Variants in MGAT4D observed in about 807,000 individuals in gnomAD.
MGAT4D encodes alpha-1,3-mannosyl-glycoprotein 4-beta-N-acetylglucosaminyltransferase-like protein MGAT4D.
Under a neutral mutation model 15.9 loss-of-function variants are expected in MGAT4D, and 34 were observed. The ratio of observed to expected loss-of-function variants is 2.14; its 90% confidence interval spans 1.62 to 2.84. The LOEUF is 2.84. MGAT4D is among the 30% of genes most tolerant of loss of function. The pLI is 0.00. For missense variants in MGAT4D, 327 were observed against 140.2 expected (o/e 2.33, Z -6.73); for synonymous variants, 112 against 48.2 (o/e 2.33, Z -5.49).
At chr4:140,476,282 T>G (rs1233144377) in intron 3 of MGAT4D, among the ~76,000 whole-genome samples, 2 of 152,212 alleles carry the variant, frequency 1.3e-5, no homozygotes, top group African/African-American at 4.8e-5. Flanking sequence ...CTCCCACTCT[T>G]GGTTCCCTTT....
chr4:140,488,765 G>T (rs189254799), intron 1 of MGAT4D, among the ~76,000 whole-genome samples: 127 of 152,278 alleles, frequency 8.3e-4, no homozygotes, highest in Non-Finnish European at 1.3e-4. Flanking sequence ...AGGCATTTGA[G>T]TCATGGGGGA....
intron 1 of MGAT4D, among the ~76,000 whole-genome samples, chr4:140,490,766 T>G (rs1733450896): frequency 6.6e-6 from 1 of 152,254 alleles, no homozygotes; most frequent in Admixed American, 6.5e-5. Context: ...TCAACTTTAT[T>G]TTGGTTTGGG....
intron 1 of MGAT4D, among the ~76,000 whole-genome samples, chr4:140,485,257 TG>T (rs1733026548): frequency 6.6e-6 from 1 of 152,194 alleles, no homozygotes; most frequent in Admixed American, 6.5e-5. Flanking sequence ...TGTAGGGATA[TG>T]GATGAAATTG....
chr4:140,477,753 T>A (rs1229137185), intron 3 of MGAT4D, among the ~76,000 whole-genome samples: 1 of 152,244 alleles, frequency 6.6e-6, no homozygotes, highest in African/African-American at 2.4e-5. Flanking sequence ...ACTGAAGGAT[T>A]TTAAGCAAGA....
intron 10 of MGAT4D, among the ~76,000 whole-genome samples, chr4:140,446,402 T>A (rs977630089): frequency 6.6e-6 from 1 of 152,180 alleles, no homozygotes; most frequent in African/African-American, 2.4e-5. Flanking sequence ...CTTCAGAGAG[T>A]GTATGTATCC....
At position 140,444,885 on chromosome 4, in the gene MGAT4D, G is replaced by C. The variant is rs918488896; in HGVS notation, c.1117-1441C>G. Reference sequence around the variant, plus strand: ...ACCTCACCAGCATCTTTTATTTTTTGCCTTTTTTTTTTTGATATGGAGTTC... The same window carrying C: ...ACCTCACCAGCATCTTTTATTTTTTCCCTTTTTTTTTTTGATATGGAGTTC... On this transcript the variant is annotated intron_variant, in intron 10 of 10. Transcript: ENST00000511113. 1.4e-4 allele frequency among the ~76,000 whole-genome samples: 7 copies of C among 48,566 alleles called. No individual in the cohort carries two copies. The Admixed American group carries it at 2.0e-3, about 14-fold the overall frequency. The allele number at this position is 48,566 out of a possible 152,430, so 31.9% of individuals were successfully genotyped here. A position where few individuals can be genotyped will look rare whatever the true frequency, so the allele number is the denominator to read the frequency against.
intron 9 of MGAT4D, 95 bp from the exon 10 acceptor site, chr4:140,451,612 T>TA (rs878923353): frequency 2.5e-6 from 1 of 395,492 alleles, no homozygotes. Context: ...TAGTTTTTGC[T>TA]AGAGTTCTAT....
intron 5 of MGAT4D, among the ~76,000 whole-genome samples, chr4:140,470,705 C>CA (rs1491089862): frequency 3.3e-5 from 5 of 152,144 alleles, no homozygotes; most frequent in Non-Finnish European, 7.4e-5. Context: ...CATTTTCCCC[C>CA]TGTCTGCCTG....
chr4:140,498,150 T>C lies in MGAT4D; in HGVS notation c.73A>G (p.Ile25Val), dbSNP rs1733965916. The change falls in exon 1 of 11, where the codon ATC becomes GTC. Residue 25 changes from isoleucine to valine, a missense_variant. By Grantham distance (29) the Ile-to-Val change is conservative (BLOSUM62 3). Coordinates refer to ENST00000511113, the MANE Select transcript of MGAT4D (RefSeq NM_001277353.2). Reference protein sequence around the residue: ...VALFSFSCFSIYRITQTNNQL... With the variant: ...VALFSFSCFSVYRITQTNNQL... ...TTACTGGTTTGAGTTATCCTGTAGATGGAGAAGCAAGAGAAGCTGAACAAC... is the reference window on the plus strand; with the variant it reads ...TTACTGGTTTGAGTTATCCTGTAGACGGAGAAGCAAGAGAAGCTGAACAAC... 8.5e-6 allele frequency: 6 copies of C among 702,438 alleles called. No individual in the cohort carries two copies. The highest frequency in any genetic ancestry group is 1.7e-5 in the African/African-American group (1 of 57,222). The allele number at this position is 702,438 out of a possible 1,614,324, so 43.5% of individuals were successfully genotyped here.
intron 1 of MGAT4D, among the ~76,000 whole-genome samples, chr4:140,488,855 G>T (rs552437698): frequency 6.6e-6 from 1 of 152,148 alleles, no homozygotes; most frequent in South Asian, 2.1e-4. Context: ...GCACCTCCCT[G>T]CCACTCTCTC....
intron 1 of MGAT4D, among the ~76,000 whole-genome samples, chr4:140,484,859 T>C (rs903033589): frequency 2.0e-5 from 3 of 152,124 alleles, no homozygotes; most frequent in Admixed American, 6.6e-5. Context: ...GAGATACCAT[T>C]TCACACCAGT....
At chr4:140,469,287 T>A (rs1250338351) in intron 5 of MGAT4D, among the ~76,000 whole-genome samples, 2 of 152,224 alleles carry the variant, frequency 1.3e-5, no homozygotes, top group African/African-American at 4.8e-5. Context: ...TGCCCCTTTT[T>A]TGCTTAAGTA....
chr4:140,496,388 T>C (rs929346608), intron 1 of MGAT4D, among the ~76,000 whole-genome samples: 12 of 152,246 alleles, frequency 7.9e-5, no homozygotes, highest in Non-Finnish European at 1.6e-4. Context: ...CTTGAACATA[T>C]GAATGATGAT....
chr4:140,493,856 G>A (rs1393749774), intron 1 of MGAT4D, among the ~76,000 whole-genome samples: 1 of 152,170 alleles, frequency 6.6e-6, no homozygotes, highest in Non-Finnish European at 1.5e-5. Context: ...AAAGGAGGTA[G>A]TATTTCTCCT....
intron 4 of MGAT4D, among the ~76,000 whole-genome samples, chr4:140,472,495 G>C (rs563228096): frequency 6.6e-6 from 1 of 151,018 alleles, no homozygotes; most frequent in East Asian, 1.9e-4. Flanking sequence ...TCACAGTTCT[G>C]TTGTTGAATC....
chr4:140,458,015 T>C (rs1359225016), intron 8 of MGAT4D: 3 of 152,054 alleles, frequency 2.0e-5, no homozygotes, highest in African/African-American at 4.8e-5. Flanking sequence ...AATATATACA[T>C]ATAATAATAG....
At chr4:140,464,765 G>T in intron 6 of MGAT4D, 131 bp downstream of exon 6, 1 of 604,448 alleles carries the variant, frequency 1.7e-6, no homozygotes, top group Non-Finnish European at 2.9e-6. Context: ...CACATAGTTG[G>T]GTCTTGCAAC....
At chr4:140,492,350 C>A (rs1733555395) in intron 1 of MGAT4D, among the ~76,000 whole-genome samples, 1 of 152,140 alleles carries the variant, frequency 6.6e-6, no homozygotes, top group Non-Finnish European at 1.5e-5. Flanking sequence ...AGATAAACTG[C>A]CCAGTGGAGC....
At chr4:140,484,447 G>A (rs75804954) in intron 1 of MGAT4D, among the ~76,000 whole-genome samples, 24,402 of 151,970 alleles carry the variant, frequency 0.16, 2,278 homozygotes, top group East Asian at 0.41. Flanking sequence ...TAGCCATTAT[G>A]GAACACAATA....
Sources: gnomAD v4.1 joint callset for allele counts (sites outside exome capture counted in the v4.1 genomes callset) on GRCh38, gnomAD v4.1.1 for gene constraint, MANE v1.5 for transcripts, NCBI Gene and HGNC (gene_info 2026-07-23, HGNC 2026-07-21) for gene names.